LUZP2: variants seen among roughly 807,000 people sequenced by gnomAD.
LUZP2 encodes leucine zipper protein 2.
Under a neutral mutation model 51.6 loss-of-function variants are expected in LUZP2, and 52 were observed. The observed-to-expected ratio is 1.01, with a 90% confidence interval of 0.81 to 1.27. The LOEUF (loss-of-function observed/expected upper bound fraction) is 1.27, where lower values mean the gene tolerates loss of function less well. LUZP2 is among the 50% of genes most tolerant of loss of function. The probability of loss-of-function intolerance (pLI) is 0.00; values close to 1 mark genes in which losing one functional copy is unlikely to be tolerated. For missense variants in LUZP2, 436 were observed against 395.4 expected (o/e 1.10, Z -0.87); for synonymous variants, 154 against 137.3 (o/e 1.12, Z -0.85).
chr11:24,774,499 A>T (rs1387074037), intron 5 of LUZP2, among the ~76,000 whole-genome samples: 2 of 119,558 alleles, frequency 1.7e-5, no homozygotes, highest in African/African-American at 3.3e-5. Context: ...TAAAGAATAT[A>T]TATAGAATAT....
intron 9 of LUZP2, among the ~76,000 whole-genome samples, chr11:25,044,772 C>A (rs11028380): frequency 6.6e-6 from 1 of 151,434 alleles, no homozygotes. Flanking sequence ...ATGTTTATTG[C>A]GGCACTATTC....
At chr11:24,957,833 C>A (rs898921256) in intron 7 of LUZP2, among the ~76,000 whole-genome samples, 1 of 151,962 alleles carries the variant, frequency 6.6e-6, no homozygotes, top group Non-Finnish European at 1.5e-5. Context: ...ATACATGTGC[C>A]ATGCTGGTGC....
intron 5 of LUZP2, among the ~76,000 whole-genome samples, chr11:24,803,387 C>A (rs1471134884): frequency 6.6e-6 from 1 of 151,942 alleles, no homozygotes; most frequent in Non-Finnish European, 1.5e-5. Context: ...CATAAAATAA[C>A]AAGTGTTAGC....
chr11:25,034,918 A>C (rs1253098926), intron 9 of LUZP2, among the ~76,000 whole-genome samples: 1 of 152,090 alleles, frequency 6.6e-6, no homozygotes, highest in Non-Finnish European at 1.5e-5. Flanking sequence ...CTACATAAAC[A>C]GAATTAAAAG....
intron 9 of LUZP2, among the ~76,000 whole-genome samples, chr11:25,034,466 T>G (rs1444582385): frequency 6.6e-6 from 1 of 152,160 alleles, no homozygotes; most frequent in African/African-American, 2.4e-5. Flanking sequence ...CAATTGCTTT[T>G]GGGGACTTAG....
chr11:24,638,062 A>C (rs958959071), intron 1 of LUZP2, among the ~76,000 whole-genome samples: 5 of 151,820 alleles, frequency 3.3e-5, no homozygotes, highest in African/African-American at 1.2e-4. Flanking sequence ...AGACTGGCCA[A>C]CACTTAGGGA....
rs1397837669 is a variant in LUZP2, at chr11:25,023,426, G to T, written c.766-26612G>T. On this transcript the variant is annotated intron_variant, in intron 9 of 11. Coordinates refer to ENST00000336930, the MANE Select transcript of LUZP2 (RefSeq NM_001009909.4). ...TTCTTCTAGATTTTCTAGTTTATTT[G>T]CATAGAGATATTTATAGTATACTCT... 2.0e-5 allele frequency among the ~76,000 whole-genome samples: 3 copies of T among 152,072 alleles called. No homozygotes were observed. The East Asian group carries it at 5.8e-4, about 29-fold the overall frequency.
intron 4 of LUZP2, among the ~76,000 whole-genome samples, chr11:24,747,060 G>A (rs1393417521): frequency 6.6e-6 from 1 of 152,062 alleles, no homozygotes; most frequent in Non-Finnish European, 1.5e-5. Flanking sequence ...GGTAAATCAG[G>A]GATGTCTTCT....
Position 24,880,813 on chromosome 11 carries a change from A to C in LUZP2, c.397-25178A>C, listed in dbSNP as rs566035197. ...GTTTTGGAACTCGGATGTTTTACCC[A>C]ATGCTAGACACCTATTAGCTGCTTC... is the stretch of plus-strand genomic sequence containing the variant. On this transcript the variant is annotated intron_variant, in intron 5 of 11. Coordinates refer to ENST00000336930, the MANE Select transcript of LUZP2 (RefSeq NM_001009909.4). Among the ~76,000 whole-genome samples, 22 of 152,102 alleles carry C rather than the reference A, an allele frequency of 1.4e-4. No homozygotes were observed. In the South Asian group the frequency reaches 4.6e-3, roughly 32 times the overall value.
At chr11:25,061,498 C>G (rs1858835702) in intron 10 of LUZP2, among the ~76,000 whole-genome samples, 2 of 152,220 alleles carry the variant, frequency 1.3e-5, no homozygotes, top group South Asian at 4.1e-4. Context: ...CTCCTTAGAT[C>G]TCCTGTATAA....
At chr11:24,956,576 T>C (rs536851055) in intron 7 of LUZP2, among the ~76,000 whole-genome samples, 134 of 152,230 alleles carry the variant, frequency 8.8e-4, no homozygotes, top group African/African-American at 3.1e-3. Flanking sequence ...AAAATGTTTT[T>C]CAACAAATGA....
chr11:24,515,234 G>A (rs1182490317), intron 1 of LUZP2, among the ~76,000 whole-genome samples: 1 of 152,100 alleles, frequency 6.6e-6, no homozygotes, highest in Non-Finnish European at 1.5e-5. Context: ...TGCCTAGCAT[G>A]TGTGAGGTAA....
At chr11:24,687,048 A>G (rs750297751) in intron 1 of LUZP2, among the ~76,000 whole-genome samples, 1 of 152,202 alleles carries the variant, frequency 6.6e-6, no homozygotes, top group Non-Finnish European at 1.5e-5. Flanking sequence ...AGATATTATT[A>G]GGAAAGAGAA....
rs1040986645 is a variant in LUZP2 at position 24,989,871 on chromosome 11, TG to T, written c.765+6579del. ...AGGTCTGGTAGTTCTAAAATCAGGT[TG>T]TTTTTTTTCTATACTAGTATTGCTA... On this transcript the variant is annotated intron_variant, in intron 9 of 11. Transcript: ENST00000336930. Among the ~76,000 whole-genome samples the T allele has an allele frequency of 1.2e-4, 18 of 152,258 alleles. No homozygotes were observed. In the East Asian group the frequency reaches 1.4e-3, roughly 11 times the overall value.
chr11:24,643,317 G>A (rs1855365291), intron 1 of LUZP2, among the ~76,000 whole-genome samples: 1 of 151,678 alleles, frequency 6.6e-6, no homozygotes, highest in South Asian at 2.1e-4. Flanking sequence ...GGAGGTTGGG[G>A]GGTAGAGAAG....
intron 10 of LUZP2, among the ~76,000 whole-genome samples, chr11:25,076,147 T>G (rs1368388482): frequency 6.6e-6 from 1 of 152,130 alleles, no homozygotes; most frequent in Non-Finnish European, 1.5e-5. Flanking sequence ...GCCTCCCAGG[T>G]AGCTGGGACC....
intron 7 of LUZP2, among the ~76,000 whole-genome samples, chr11:24,954,533 A>C (rs1220572656): frequency 6.6e-6 from 1 of 152,004 alleles, no homozygotes; most frequent in Non-Finnish European, 1.5e-5. Context: ...TTCCTTATAC[A>C]ATCATTGTGA....
chr11:24,542,371 G>A (rs1851396890), intron 1 of LUZP2, among the ~76,000 whole-genome samples: 1 of 151,978 alleles, frequency 6.6e-6, no homozygotes, highest in Non-Finnish European at 1.5e-5. Context: ...GAAGTCATGA[G>A]GTCATACCCA....
intron 7 of LUZP2, among the ~76,000 whole-genome samples, chr11:24,948,692 G>A (rs144660539): frequency 9.2e-5 from 14 of 151,770 alleles, no homozygotes; most frequent in South Asian, 6.2e-4. Flanking sequence ...TGAACCCACC[G>A]CTTATAAAAT....
Sources: gnomAD v4.1 joint callset for allele counts (sites outside exome capture counted in the v4.1 genomes callset) on GRCh38, gnomAD v4.1.1 for gene constraint, MANE v1.5 for transcripts, NCBI Gene and HGNC (gene_info 2026-07-23, HGNC 2026-07-21) for gene names.